The following SPICE1 variants were observed in gnomAD, a reference collection of about 807,000 sequenced individuals.
The protein encoded by SPICE1 is spindle and centriole associated protein 1.
SPICE1 carries 75 observed loss-of-function variants against 102.7 expected under a neutral mutation model. The observed-to-expected ratio is 0.73, with a 90% CI of 0.61 to 0.88. The LOEUF is 0.88. SPICE1 is among the 40% of genes least tolerant of loss of function. SPICE1 has a pLI of 0.00. For missense variants in SPICE1, 979 were observed against 1,020.1 expected, an observed-to-expected ratio of 0.96 and a Z score of 0.55; for synonymous variants, 308 against 350.3, an observed-to-expected ratio of 0.88 and a Z score of 1.35.
chr3:113,461,491 G>A (rs1935934024), intron 11 of SPICE1, among the ~76,000 whole-genome samples: 1 of 151,976 alleles, frequency 6.6e-6, no homozygotes, highest in African/African-American at 2.4e-5. Context: ...TTGCCCAGAA[G>A]GTTAGATGAA....
intron 2 of SPICE1, among the ~76,000 whole-genome samples, chr3:113,505,899 C>T (rs1263915410): frequency 6.6e-6 from 1 of 151,546 alleles, no homozygotes; most frequent in Non-Finnish European, 1.5e-5. Context: ...GGACATGACC[C>T]TGTCTCTTAA....
At chr3:113,448,890 T>A (rs754386075) in intron 15 of SPICE1, 2 of 152,176 alleles carry the variant, frequency 1.3e-5, no homozygotes, top group African/African-American at 4.8e-5. Context: ...AGCTTTTTTT[T>A]AAACAAATAT....
At chr3:113,466,580 A>C (rs1419366196) in intron 10 of SPICE1, among the ~76,000 whole-genome samples, 1 of 151,228 alleles carries the variant, frequency 6.6e-6, no homozygotes, top group Non-Finnish European at 1.5e-5. Flanking sequence ...ACTGCACTCC[A>C]GCCTAGCAAC....
chr3:113,464,073 A>C (rs527294316), intron 11 of SPICE1, among the ~76,000 whole-genome samples: 2 of 152,108 alleles, frequency 1.3e-5, no homozygotes, highest in Non-Finnish European at 2.9e-5. Flanking sequence ...GTCTCAAAAA[A>C]AAAAAGAAAA....
intron 2 of SPICE1, among the ~76,000 whole-genome samples, chr3:113,505,156 G>A (rs1369320437): frequency 6.6e-6 from 1 of 151,894 alleles, no homozygotes; most frequent in Admixed American, 6.6e-5. Flanking sequence ...TCCACCTTTC[G>A]TTGTAGAGGT....
chr3:113,466,136 G>C (rs1195638084), intron 10 of SPICE1, among the ~76,000 whole-genome samples: 3 of 152,170 alleles, frequency 2.0e-5, no homozygotes, highest in Non-Finnish European at 4.4e-5. Context: ...CTATAAATAA[G>C]CAAACAGGCT....
chr3:113,507,164 A>AT (rs992077579), intron 1 of SPICE1, among the ~76,000 whole-genome samples: 3 of 152,120 alleles, frequency 2.0e-5, no homozygotes, highest in Non-Finnish European at 2.9e-5. Flanking sequence ...CTAATTATTG[A>AT]TTTTTTTCTA....
Position 113,469,249 on chromosome 3 carries a change from C to A in SPICE1, c.612-11G>T. 6.7e-7 allele frequency: 1 copy of A among 1,495,286 alleles called. No individual in the cohort carries two copies. The highest frequency in any genetic ancestry group is 9.0e-7 in the Non-Finnish European group (1 of 1,109,774). The allele number at this position is 1,495,286 out of a possible 1,614,324, so 92.6% of individuals were successfully genotyped here. ...AGTTGTTGGAGAAACCTATAAATTACAGGACAATAAGCTACATGAGAATTA... is the reference window on the plus strand; with the variant it reads ...AGTTGTTGGAGAAACCTATAAATTAAAGGACAATAAGCTACATGAGAATTA... On this transcript the variant is annotated splice_polypyrimidine_tract_variant and intron_variant, in intron 7 of 17. Coordinates refer to ENST00000295872, the MANE Select transcript of SPICE1 (RefSeq NM_144718.4).
Position 113,453,936 on chromosome 3 carries a change from C to T in SPICE1, c.1672G>A (p.Val558Ile). Reference protein sequence around the residue: ...SPLQDVLRRTVQTRPAPRLPP... With the variant: ...SPLQDVLRRTIQTRPAPRLPP... ...AGTCGTGGAGCAGGACGAGTTTGAA[C>T]AGTCCTTCTCAATACTATAGATAAG... Residue 558 changes from valine to isoleucine, a missense_variant, in exon 14 of 18, where the codon GTT (valine) becomes ATT (isoleucine). Coordinates refer to ENST00000295872, the MANE Select transcript of SPICE1 (RefSeq NM_144718.4). The T allele has an allele frequency of 6.2e-7, 1 of 1,611,390 alleles. No individual in the cohort carries two copies. The highest frequency in any genetic ancestry group is 1.7e-4 in the Middle Eastern group (1 of 6,036).
intron 7 of SPICE1, among the ~76,000 whole-genome samples, chr3:113,482,737 G>A (rs959006027): frequency 6.6e-6 from 1 of 152,108 alleles, no homozygotes; most frequent in Non-Finnish European, 1.5e-5. Context: ...GTATTTCTGA[G>A]GGCTCTGTTC....
rs1029451767 is a variant in SPICE1, at chr3:113,448,133, T to C, written c.2331A>G (p.Ala777=). Residue 777 remains alanine (A), a synonymous_variant, in exon 16 of 18, where the codon GCA becomes GCG. Coordinates refer to ENST00000295872, the MANE Select transcript of SPICE1 (RefSeq NM_144718.4). ...GAATAGATACCTCAATTGTCCTCTT[T>C]GCTCCTTCTAAAATATAAAAATAAA... ...QLPLRAWTEG[A]KRTIEVSIPG... is the part of the protein sequence containing the mutation. The C allele has an allele frequency of 4.4e-6, 7 of 1,600,938 alleles. No individual in the cohort carries two copies. The highest frequency in any genetic ancestry group is 5.1e-6 in the Non-Finnish European group (6 of 1,174,446).
At chr3:113,463,446 C>G (rs1185008516) in intron 11 of SPICE1, among the ~76,000 whole-genome samples, 1 of 152,060 alleles carries the variant, frequency 6.6e-6, no homozygotes, top group South Asian at 2.1e-4. Context: ...AACATATGTT[C>G]TGCAAAAATA....
intron 3 of SPICE1, among the ~76,000 whole-genome samples, 181 bp from the exon 4 acceptor site, chr3:113,499,763 A>G (rs1324508168): frequency 3.3e-5 from 5 of 152,210 alleles, no homozygotes; most frequent in African/African-American, 9.6e-5. Flanking sequence ...AAATGATCTT[A>G]AAGAAAGCAG....
chr3:113,454,017 T>C, intron 13 of SPICE1, 67 bp from the exon 14 acceptor site: 1 of 1,367,890 alleles, frequency 7.3e-7, no homozygotes, highest in Non-Finnish European at 9.8e-7. Context: ...TATACTCATT[T>C]CATTAGCCCA....
Position 113,445,027 on chromosome 3 carries a change from TA to T in SPICE1, c.*279del, listed in dbSNP as rs1222760355. Reference sequence around the variant, plus strand: ...AAAGATAAAGGTAAAAATGTATTAATAAAAAAAACCCTTAAAATACTTAAGA... The same window carrying T: ...AAAGATAAAGGTAAAAATGTATTAATAAAAAAACCCTTAAAATACTTAAGA... On this transcript the variant is annotated 3_prime_UTR_variant, in exon 18 of 18. Transcript: ENST00000295872. 8 of 234,642 alleles carry T rather than the reference TA, an allele frequency of 3.4e-5. No individual in the cohort carries two copies. Among genetic ancestry groups the T allele is most frequent in the Admixed American group, 5.6e-5 (1 of 17,816 alleles). The allele number at this position is 234,642 out of a possible 1,614,324, so 14.5% of individuals were successfully genotyped here.
At chr3:113,514,727 C>T (rs541315579) in intron 1 of SPICE1, 170 bp downstream of exon 1, 1 of 1,270,432 alleles carries the variant, frequency 7.9e-7, no homozygotes, top group East Asian at 5.6e-5. Flanking sequence ...CCAAAGCACC[C>T]TGGATAGTTT....
chr3:113,492,488 G>A (rs1936786876), intron 6 of SPICE1, among the ~76,000 whole-genome samples: 1 of 152,002 alleles, frequency 6.6e-6, no homozygotes, highest in Admixed American at 6.6e-5. Flanking sequence ...TTCCCATTAG[G>A]TTAGAATACA....
At chr3:113,484,175 G>C (rs1005575688) in intron 7 of SPICE1, among the ~76,000 whole-genome samples, 2 of 152,270 alleles carry the variant, frequency 1.3e-5, no homozygotes, top group East Asian at 3.9e-4. Flanking sequence ...TTTGCATAGA[G>C]GTGTTTATAG....
intron 4 of SPICE1, among the ~76,000 whole-genome samples, chr3:113,498,589 G>C (rs1559974903): frequency 6.6e-6 from 1 of 152,222 alleles, no homozygotes; most frequent in Non-Finnish European, 1.5e-5. Flanking sequence ...TCAAGCTCAT[G>C]TAAACATTTA....
Sources: allele counts gnomAD v4.1 joint callset (sites outside exome capture counted in the v4.1 genomes callset), GRCh38; gene constraint gnomAD v4.1.1; transcripts MANE v1.5; gene names NCBI Gene and HGNC (gene_info 2026-07-23, HGNC 2026-07-21).